Variants in TENM1 observed in about 807,000 individuals in gnomAD.
TENM1 encodes teneurin transmembrane protein 1.
A neutral mutation model predicts 174.8 loss-of-function variants in TENM1; 35 were observed. That is an observed-to-expected ratio of 0.20 (90% CI 0.15 to 0.27). The LOEUF is 0.27. Ranked by LOEUF, TENM1 falls within the 10% of genes least tolerant of loss-of-function variation. TENM1 has a pLI of 1.00. For synonymous variants in TENM1, 781 were observed against 798.7 expected (o/e 0.98, Z 0.37); for missense variants, 1,633 against 2,130.1 (o/e 0.77, Z 4.59).
the TENM1 span, among the ~76,000 whole-genome samples, chrX:125,124,487 T>C: frequency 3.6e-5 from 4 of 111,861 alleles, no homozygotes; most frequent in African/African-American, 1.3e-4. Flanking sequence ...AAAACAATAA[T>C]TACACAAATC....
intron 23 of TENM1, among the ~76,000 whole-genome samples, chrX:124,437,530 A>G (rs1413183643): frequency 9.0e-6 from 1 of 111,113 alleles, no homozygotes; most frequent in Non-Finnish European, 1.9e-5. Flanking sequence ...CATTCTTGCA[A>G]TTTTTGAGAA....
intron 23 of TENM1, among the ~76,000 whole-genome samples, chrX:124,448,182 G>A (rs1569532175): frequency 8.9e-6 from 1 of 111,821 alleles, no homozygotes; most frequent in South Asian, 3.7e-4. Flanking sequence ...GAGATTTTAG[G>A]TTCAGCCATT....
intron 1 of TENM1, among the ~76,000 whole-genome samples, chrX:124,959,333 G>A (rs989394174): frequency 9.0e-6 from 1 of 111,574 alleles, no homozygotes; most frequent in African/African-American, 3.3e-5. Context: ...ATGAGATACT[G>A]TTTCCAGACT....
intron 1 of TENM1, among the ~76,000 whole-genome samples, chrX:124,948,769 G>T (rs191437418): frequency 1.4e-4 from 16 of 112,017 alleles, no homozygotes; most frequent in African/African-American, 5.2e-4. Flanking sequence ...GGCCAGGTTG[G>T]TCTCGAACTC....
intron 22 of TENM1, among the ~76,000 whole-genome samples, chrX:124,471,232 T>TATATA (rs2061304688): frequency 1.5e-5 from 1 of 65,505 alleles, no homozygotes; most frequent in African/African-American, 6.6e-5. Context: ...TATATAGTAC[T>TATATA]ATATATAATA....
At chrX:125,117,550 AG>A in the TENM1 span, among the ~76,000 whole-genome samples, 3 of 110,490 alleles carry the variant, frequency 2.7e-5, no homozygotes, top group Admixed American at 9.7e-5. Flanking sequence ...AGGGCCTGTC[AG>A]GGGGTAGGGG....
the TENM1 span, among the ~76,000 whole-genome samples, chrX:124,993,837 C>T: frequency 9.1e-6 from 1 of 110,381 alleles, no homozygotes; most frequent in African/African-American, 3.3e-5. Context: ...CACACAAATA[C>T]ACACACACAC....
At chrX:124,849,621 A>G (rs1305241390) in intron 3 of TENM1, among the ~76,000 whole-genome samples, 2 of 111,300 alleles carry the variant, frequency 1.8e-5, no homozygotes, top group African/African-American at 6.5e-5. Context: ...GAGCATCATC[A>G]GATGAGACCT....
chrX:124,416,131 C>T (rs1238605581), intron 25 of TENM1, among the ~76,000 whole-genome samples: 1 of 111,345 alleles, frequency 9.0e-6, no homozygotes, highest in Non-Finnish European at 1.9e-5. Flanking sequence ...AATCACCATT[C>T]TAAATTGTAC....
chrX:124,663,320 C>T (rs1192769319), intron 6 of TENM1, among the ~76,000 whole-genome samples: 1 of 111,823 alleles, frequency 8.9e-6, no homozygotes, highest in Middle Eastern at 4.2e-3. Context: ...GTGTGATTAT[C>T]ATCTAGGAGA....
At chrX:125,172,514 T>C in the TENM1 span, among the ~76,000 whole-genome samples, 1 of 111,309 alleles carries the variant, frequency 9.0e-6, no homozygotes, top group Non-Finnish European at 1.9e-5. Context: ...AGATGCATAA[T>C]TTCTCACTAG....
chrX:125,049,574 T>C, the TENM1 span, among the ~76,000 whole-genome samples: 1 of 112,340 alleles, frequency 8.9e-6, no homozygotes, highest in African/African-American at 3.2e-5. Flanking sequence ...CTGGGCAATA[T>C]AGAAACTATG....
intron 18 of TENM1, among the ~76,000 whole-genome samples, chrX:124,514,959 T>G (rs1029104981): frequency 9.0e-6 from 1 of 110,865 alleles, no homozygotes; most frequent in African/African-American, 3.3e-5. Flanking sequence ...AAAAAAAAAT[T>G]TGCAAACTGA....
chrX:124,967,628 C>A (rs1370542999), upstream of TENM1, among the ~76,000 whole-genome samples: 1 of 111,569 alleles, frequency 9.0e-6, no homozygotes, highest in African/African-American at 3.3e-5. Flanking sequence ...TCTCAAACTT[C>A]CCCATCTCTG....
the TENM1 span, among the ~76,000 whole-genome samples, chrX:125,197,110 G>C: frequency 9.0e-6 from 1 of 111,602 alleles, no homozygotes; most frequent in Non-Finnish European, 1.9e-5. Context: ...ACCTTAGCCA[G>C]TGATCAGATT....
chrX:124,618,230 A>T (rs182759714), intron 11 of TENM1, among the ~76,000 whole-genome samples: 216 of 111,378 alleles, frequency 1.9e-3, no homozygotes, highest in African/African-American at 6.5e-3. Context: ...CTATCCTTAC[A>T]GATTATCATA....
At chrX:124,423,933 G>A (rs1334524062) in intron 23 of TENM1, among the ~76,000 whole-genome samples, 2 of 111,356 alleles carry the variant, frequency 1.8e-5, no homozygotes, top group Non-Finnish European at 3.8e-5. Flanking sequence ...TCATAAGGGT[G>A]GGGATCTAAT....
At chrX:124,742,130 T>C (rs1321251067) in intron 3 of TENM1, among the ~76,000 whole-genome samples, 1 of 111,917 alleles carries the variant, frequency 8.9e-6, no homozygotes, top group African/African-American at 3.2e-5. Flanking sequence ...ATGTACTAAA[T>C]TGATCATTCT....
At chrX:124,632,947 A>G (rs951441659) in intron 11 of TENM1, among the ~76,000 whole-genome samples, 4 of 111,634 alleles carry the variant, frequency 3.6e-5, no homozygotes, top group African/African-American at 1.3e-4. Context: ...TCTCTCAGCC[A>G]TCTCCACCAC....
Sources: gnomAD v4.1 joint callset for allele counts (sites outside exome capture counted in the v4.1 genomes callset) on GRCh38, gnomAD v4.1.1 for gene constraint, MANE v1.5 for transcripts, NCBI Gene and HGNC (gene_info 2026-07-23, HGNC 2026-07-21) for gene names.